SAP30BP: variants seen among roughly 807,000 people sequenced by gnomAD.
SAP30BP encodes SAP30 binding protein.
In SAP30BP, 31 loss-of-function variants were observed where a neutral mutation model predicts 46.3. The observed-to-expected ratio is 0.67, with a 90% CI of 0.50 to 0.90. The LOEUF (loss-of-function observed/expected upper bound fraction) is 0.90, where lower values mean the gene tolerates loss of function less well. Ranked by LOEUF, SAP30BP falls within the 40% of genes least tolerant of loss-of-function variation. The pLI is 0.00. For synonymous variants in SAP30BP, 169 were observed against 144.2 expected (o/e 1.17, Z -1.23); for missense variants, 312 against 391.0 (o/e 0.80, Z 1.70).
In SAP30BP at chr17:75,706,449, C is replaced by G. The variant is rs764721526; in HGVS notation, c.855C>G (p.Thr285=). Reference sequence around the variant, plus strand: ...CCCTGCCAGCTGTTGTCACGGTCACCACCAGCGCCAGCGGCTCCAAGACCA... The same window carrying G: ...CCCTGCCAGCTGTTGTCACGGTCACGACCAGCGCCAGCGGCTCCAAGACCA... The part of the protein sequence containing the change: ...TATLPAVVTV[T]TSASGSKTTV... Residue 285 remains threonine, a synonymous_variant, in exon 11 of 11, where the codon ACC becomes ACG. Coordinates refer to ENST00000584667, the MANE Select transcript of SAP30BP (RefSeq NM_013260.8). This position sits in a 1 kb window ranked among gnomAD's most constrained non-coding sequence, Gnocchi z 4.6. 6.2e-7 allele frequency: 1 copy of G among 1,614,210 alleles called. No individual in the cohort carries two copies. Among genetic ancestry groups the G allele is most frequent in the Non-Finnish European group, 8.5e-7 (1 of 1,180,048 alleles).
At chr17:75,675,981 AAAAT>A (rs775276556) in intron 3 of SAP30BP, among the ~76,000 whole-genome samples, 6 of 152,254 alleles carry the variant, frequency 3.9e-5, no homozygotes, top group Admixed American at 6.5e-5. Flanking sequence ...TATTTCCAAA[AAAAT>A]GTTAATGCAA....
chr17:75,694,998 A>G (rs927744618), intron 4 of SAP30BP, among the ~76,000 whole-genome samples: 5 of 152,186 alleles, frequency 3.3e-5, no homozygotes, highest in African/African-American at 4.8e-5. Flanking sequence ...CCCCACCACA[A>G]TTGTGATACA....
rs772567611 is a variant in SAP30BP, at chr17:75,706,022, G to C, written c.675G>C (p.Thr225=). 2 of 1,613,450 alleles carry C rather than the reference G, an allele frequency of 1.2e-6. No individual in the cohort carries two copies. The highest frequency in any genetic ancestry group is 1.7e-6 in the Non-Finnish European group (2 of 1,179,972). The change falls in exon 10 of 11, where the codon ACG becomes ACC. Residue 225 remains threonine (T), a synonymous_variant. Coordinates refer to ENST00000584667, the MANE Select transcript of SAP30BP (RefSeq NM_013260.8). This position sits in a 1 kb window ranked among gnomAD's most constrained non-coding sequence, Gnocchi z 4.6. ...KKERTKIEFV[T]GTKKGTTTNA... ...TCCCTCTCCAGATTGAGTTTGTGAC[G>C]GGCACCAAAAAAGGCACCACGACCA... is the stretch of plus-strand genomic sequence containing the variant.
chr17:75,698,710 G>T (rs1235508613), intron 4 of SAP30BP, among the ~76,000 whole-genome samples: 1 of 152,206 alleles, frequency 6.6e-6, no homozygotes, highest in Non-Finnish European at 1.5e-5. Context: ...TGAGCCTATT[G>T]TGTACATCTC....
At chr17:75,670,251 G>A (rs1268375992) in intron 2 of SAP30BP, among the ~76,000 whole-genome samples, 2 of 152,060 alleles carry the variant, frequency 1.3e-5, no homozygotes, top group Non-Finnish European at 2.9e-5. Context: ...GAACCCGGGA[G>A]GCGGAGGTTG....
chr17:75,690,549 C>A, intron 3 of SAP30BP: 1 of 388,914 alleles, frequency 2.6e-6, no homozygotes, highest in Non-Finnish European at 5.1e-6. Context: ...AACTCCTGGA[C>A]TCAAGCAGTC....
At chr17:75,705,732 T>G in intron 9 of SAP30BP, 1 of 1,186,178 alleles carries the variant, frequency 8.4e-7, no homozygotes, top group Non-Finnish European at 1.1e-6. Flanking sequence ...TCTGGGCATG[T>G]GAGGTGGGGC....
chr17:75,673,616 C>G (rs2059939348), intron 3 of SAP30BP, among the ~76,000 whole-genome samples: 1 of 152,118 alleles, frequency 6.6e-6, no homozygotes, highest in Non-Finnish European at 1.5e-5. Context: ...GTACATAACA[C>G]TTAACGGTCA....
At chr17:75,671,681 A>G (rs1299742948) in intron 2 of SAP30BP, 135 bp from the exon 3 acceptor site, 3 of 695,402 alleles carry the variant, frequency 4.3e-6, no homozygotes, top group Non-Finnish European at 7.9e-6. Flanking sequence ...TCTGAGTTAT[A>G]TGGTAGGGGA....
At chr17:75,677,644 C>A (rs898269469) in intron 3 of SAP30BP, among the ~76,000 whole-genome samples, 3 of 147,442 alleles carry the variant, frequency 2.0e-5, no homozygotes, top group African/African-American at 7.5e-5. Flanking sequence ...TGGGGTTTCA[C>A]CATGTTGGTG....
chr17:75,676,174 G>A (rs1462611884), intron 3 of SAP30BP, among the ~76,000 whole-genome samples: 2 of 152,192 alleles, frequency 1.3e-5, no homozygotes, highest in Non-Finnish European at 2.9e-5. Context: ...GGAATGCAAA[G>A]CCTTACCAGT....
intron 3 of SAP30BP, among the ~76,000 whole-genome samples, chr17:75,674,697 GTTTTTT>G (rs66721865): frequency 2.3e-4 from 14 of 61,548 alleles, no homozygotes; most frequent in South Asian, 8.1e-4. Context: ...TTTGTTTTTT[GTTTTTT>G]TTTTTTTTTT....
rs1349658555 is a variant in SAP30BP, at chr17:75,685,339, C to T, written c.265-8101C>T. The stretch of plus-strand genomic sequence containing the variant: ...ATTTTCATCCATGTCTCCTGAAATG[C>T]TGCTGTGTGATTTCTGGGTTCAATA... On this transcript the variant is annotated intron_variant, in intron 3 of 10. Coordinates refer to ENST00000584667, the MANE Select transcript of SAP30BP (RefSeq NM_013260.8). Among the ~76,000 whole-genome samples, 6 of 152,224 alleles carry T rather than the reference C, an allele frequency of 3.9e-5. No homozygotes were observed. The South Asian group carries it at 1.0e-3, about 26-fold the overall frequency.
At chr17:75,690,027 T>C (rs559073653) in intron 3 of SAP30BP, among the ~76,000 whole-genome samples, 2 of 152,330 alleles carry the variant, frequency 1.3e-5, no homozygotes, top group South Asian at 4.1e-4. Context: ...ACTTTCTGGG[T>C]GATGGGTACA....
At chr17:75,703,286 C>T in intron 6 of SAP30BP, 25 bp from the exon 7 acceptor site, 2 of 1,613,292 alleles carry the variant, frequency 1.2e-6, no homozygotes, top group Non-Finnish European at 1.7e-6. Flanking sequence ...CTTGTGCCTG[C>T]TCAGCGCCGG....
chr17:75,667,756 A>C (rs1361002327), intron 1 of SAP30BP, among the ~76,000 whole-genome samples: 1 of 152,260 alleles, frequency 6.6e-6, no homozygotes, highest in Non-Finnish European at 1.5e-5. Flanking sequence ...GCGGCTGCTC[A>C]GCCACTGCCT....
intron 3 of SAP30BP, chr17:75,693,133 G>C (rs555396431): frequency 1.8e-5 from 6 of 334,956 alleles, no homozygotes; most frequent in Non-Finnish European, 2.8e-5. Context: ...CAGGGTATAC[G>C]TTGCCCAGTT....
Position 75,693,419 on chromosome 17 carries a change from G to A in SAP30BP, c.265-21G>A, listed in dbSNP as rs201324648. On this transcript the variant is annotated intron_variant, in intron 3 of 10. Transcript: ENST00000584667. Reference sequence around the variant, plus strand: ...TCAGGAGCCCCAGTCTTACCTCCTCGTATTTGTTTGTCTTTTGCAGGATAA... The same window carrying A: ...TCAGGAGCCCCAGTCTTACCTCCTCATATTTGTTTGTCTTTTGCAGGATAA... 6.1e-5 allele frequency: 98 copies of A among 1,612,324 alleles called. No homozygotes were observed. In the African/African-American group the frequency reaches 9.3e-4, roughly 15 times the overall value.
At chr17:75,671,895 A>G in intron 3 of SAP30BP, 32 bp downstream of exon 3, 1 of 1,591,818 alleles carries the variant, frequency 6.3e-7, no homozygotes, top group Non-Finnish European at 8.6e-7. Flanking sequence ...GGGTGGCTGG[A>G]TGCAAACAAG....
Sources: gnomAD v4.1 joint callset for allele counts (sites outside exome capture counted in the v4.1 genomes callset) on GRCh38, gnomAD v4.1.1 for gene constraint, Gnocchi (gnomAD v3.1) non-coding constraint, MANE v1.5 for transcripts, NCBI Gene and HGNC (gene_info 2026-07-23, HGNC 2026-07-21) for gene names.